The following LPCAT2 variants were observed in gnomAD, a reference collection of about 807,000 sequenced individuals.
LPCAT2 encodes lysophosphatidylcholine acyltransferase 2, also known as 1-AGP acyltransferase 11.
A neutral mutation model predicts 64.7 loss-of-function variants in LPCAT2; 58 were observed. The observed-to-expected ratio is 0.90, with a 90% confidence interval of 0.73 to 1.12. LPCAT2 has a LOEUF of 1.12. Among genes scored for constraint, LPCAT2 ranks in the 50% most tolerant of loss-of-function variants. LPCAT2 has a pLI of 0.00. For synonymous variants in LPCAT2, 252 were observed against 245.3 expected, an observed-to-expected ratio of 1.03 and a Z score of -0.26; for missense variants, 579 against 669.8, an observed-to-expected ratio of 0.86 and a Z score of 1.50.
rs1963862332 is a variant in LPCAT2 at position 55,579,185 on chromosome 16, C to T, written c.1391C>T (p.Pro464Leu). The change falls in exon 13 of 14, where the codon CCT (proline) becomes CTT (leucine). Residue 464 changes from proline (P) to leucine (L), a missense_variant. Pro to Leu is a moderately conservative substitution (Grantham distance 98, BLOSUM62 -3). Coordinates refer to ENST00000262134, the MANE Select transcript of LPCAT2 (RefSeq NM_017839.5). ...ATTCTACAGGCTTCCCTTGGAGTGC[C>T]TGACCTTGATGTTTCTGGTCTCTTC... The part of the protein sequence containing the change: ...STILQASLGV[P>L]DLDVSGLFKE... 4 of 1,613,418 alleles carry T rather than the reference C, an allele frequency of 2.5e-6. No individual in the cohort carries two copies. The Admixed American group carries it at 5.0e-5, about 20-fold the overall frequency.
chr16:55,580,834 G>T (rs1366921255), intron 13 of LPCAT2, among the ~76,000 whole-genome samples: 5 of 67,110 alleles, frequency 7.5e-5, no homozygotes, highest in African/African-American at 2.6e-4. Context: ...TCATAGGAGC[G>T]CATGAACCCT....
chr16:55,567,074 A>C (rs771978772), intron 11 of LPCAT2: 2 of 1,613,798 alleles, frequency 1.2e-6, no homozygotes, highest in Non-Finnish European at 1.7e-6. Flanking sequence ...TTCTCAACAA[A>C]GTCCTTTCTA....
At chr16:55,525,709 A>G in intron 2 of LPCAT2, 62 bp downstream of exon 2, 1 of 1,275,154 alleles carries the variant, frequency 7.8e-7, no homozygotes, top group Non-Finnish European at 1.0e-6. Context: ...TACTAAATCA[A>G]TATAAGAAGA....
At chr16:55,577,048 A>G (rs572072281) in intron 12 of LPCAT2, among the ~76,000 whole-genome samples, 2 of 152,298 alleles carry the variant, frequency 1.3e-5, no homozygotes, top group East Asian at 1.9e-4. Flanking sequence ...GGAGGGAGCT[A>G]GGACTGAGTC....
chr16:55,509,989 G>GTTTTTTTTTT (rs1196878080), intron 1 of LPCAT2, among the ~76,000 whole-genome samples: 1 of 65,204 alleles, frequency 1.5e-5, no homozygotes, highest in Non-Finnish European at 4.0e-5. Flanking sequence ...ATTTGAAGAA[G>GTTTTTTTTTT]TCTTTTTTTT....
Position 55,583,032 on chromosome 16 carries a change from C to T in LPCAT2, c.1569C>T (p.Ser523=), listed in dbSNP as rs1963904464. The change falls in exon 14 of 14, where the codon TCC becomes TCT. Residue 523 remains serine, a synonymous_variant. Transcript: ENST00000262134. Reference sequence around the variant, plus strand: ...CAAAAGAAGTCCAGACAACCCCCTCCACCGCCAGTAATAAAGTCAGCCCTG... The same window carrying T: ...CAAAAGAAGTCCAGACAACCCCCTCTACCGCCAGTAATAAAGTCAGCCCTG... The part of the protein sequence containing the change: ...SLPKEVQTTP[S]TASNKVSPEK... 2 of 1,613,762 alleles carry T rather than the reference C, an allele frequency of 1.2e-6. No individual in the cohort carries two copies. Among genetic ancestry groups the T allele is most frequent in the South Asian group, 1.1e-5 (1 of 91,086 alleles).
rs1379185849 is a variant in LPCAT2, at chr16:55,584,741, C to T, written c.*1643C>T. 2.0e-5 allele frequency: 3 copies of T among 152,108 alleles called. No individual in the cohort carries two copies. Among genetic ancestry groups the T allele is most frequent in the Non-Finnish European group, 4.4e-5 (3 of 68,000 alleles). The allele number at this position is 152,108 out of a possible 1,614,324, so 9.4% of individuals were successfully genotyped here. On this transcript the variant is annotated 3_prime_UTR_variant, in exon 14 of 14. Transcript: ENST00000262134. ...GAGTCATGATTTCAAACTAGTTTTA[C>T]ATATTAAGCAGTTAGTGTTCTAATT...
intron 11 of LPCAT2, chr16:55,567,202 A>G: frequency 6.2e-7 from 1 of 1,613,868 alleles, no homozygotes; most frequent in Non-Finnish European, 8.5e-7. Flanking sequence ...TATCTGTGGA[A>G]CAACATCAAG....
At chr16:55,532,042 A>T (rs1246662679) in intron 5 of LPCAT2, 68 bp downstream of exon 5, 1 of 996,962 alleles carries the variant, frequency 1.0e-6, no homozygotes, top group Admixed American at 1.8e-5. Context: ...TTTTATAGAA[A>T]TACACAAAAT....
intron 1 of LPCAT2, among the ~76,000 whole-genome samples, chr16:55,519,899 G>T (rs893482027): frequency 1.4e-4 from 21 of 151,870 alleles, no homozygotes; most frequent in Admixed American, 7.9e-4. Flanking sequence ...GTACAAGAAG[G>T]TATAGCAAAG....
intron 12 of LPCAT2, among the ~76,000 whole-genome samples, chr16:55,578,780 A>G (rs1405977392): frequency 6.6e-6 from 1 of 152,124 alleles, no homozygotes; most frequent in African/African-American, 2.4e-5. Flanking sequence ...TATTCTGGGA[A>G]CTTTTCTTCA....
chr16:55,530,251 TA>T (rs1482319002), intron 4 of LPCAT2, among the ~76,000 whole-genome samples: 3 of 152,168 alleles, frequency 2.0e-5, no homozygotes, highest in East Asian at 1.9e-4. Context: ...ATAGATGAGA[TA>T]GGGGATACCT....
At chr16:55,522,538 A>T (rs1963111899) in intron 1 of LPCAT2, among the ~76,000 whole-genome samples, 1 of 151,700 alleles carries the variant, frequency 6.6e-6, no homozygotes, top group African/African-American at 2.4e-5. Flanking sequence ...AAAAATGAAG[A>T]AGAAGAATAT....
intron 3 of LPCAT2, among the ~76,000 whole-genome samples, 162 bp from the exon 4 acceptor site, chr16:55,529,673 T>G (rs755892205): frequency 2.0e-5 from 3 of 152,208 alleles, no homozygotes; most frequent in Non-Finnish European, 2.9e-5. Context: ...AATATCCACT[T>G]CTTTCAAAAT....
intron 1 of LPCAT2, among the ~76,000 whole-genome samples, chr16:55,509,711 A>C (rs1962898552): frequency 6.6e-6 from 1 of 151,976 alleles, no homozygotes; most frequent in Admixed American, 6.6e-5. Context: ...AGGACTTCTG[A>C]GGGGCCGTGA....
intron 7 of LPCAT2, 51 bp downstream of exon 7, chr16:55,534,528 G>A: frequency 3.7e-6 from 3 of 814,394 alleles, no homozygotes; most frequent in Non-Finnish European, 3.9e-6. Context: ...TTTTAGTGAA[G>A]AAAAAGAAAG....
intron 11 of LPCAT2, among the ~76,000 whole-genome samples, chr16:55,562,356 C>G (rs915161627): frequency 6.6e-6 from 1 of 151,888 alleles, no homozygotes; most frequent in African/African-American, 2.4e-5. Flanking sequence ...AAATGTTCTC[C>G]TTTCCTTTGC....
At chr16:55,552,227 C>T (rs1199727259) in intron 11 of LPCAT2, among the ~76,000 whole-genome samples, 3 of 152,038 alleles carry the variant, frequency 2.0e-5, no homozygotes, top group Non-Finnish European at 4.4e-5. Flanking sequence ...CTTCTTTCAC[C>T]AAGTATAATG....
chr16:55,571,074 C>T (rs1369313521), intron 11 of LPCAT2, among the ~76,000 whole-genome samples: 1 of 152,154 alleles, frequency 6.6e-6, no homozygotes, highest in Non-Finnish European at 1.5e-5. Context: ...AAAATAGTCC[C>T]TCTTCTTGGG....
Sources: allele counts gnomAD v4.1 joint callset (sites outside exome capture counted in the v4.1 genomes callset), GRCh38; gene constraint gnomAD v4.1.1; transcripts MANE v1.5; gene names NCBI Gene and HGNC (gene_info 2026-07-23, HGNC 2026-07-21).